The following HAPSTR1 variants were observed in gnomAD, a reference collection of about 807,000 sequenced individuals.
HAPSTR1 encodes HUWE1 associated protein modifying stress responses, also known as HUWE1-associated protein modifying stress responses 1.
chr16:9,098,298 A>C, the HAPSTR1 span, among the ~76,000 whole-genome samples: 1 of 152,260 alleles, frequency 6.6e-6, no homozygotes, highest in South Asian at 2.1e-4. Flanking sequence ...AGGCCATTGC[A>C]CTCCAGCCTG....
chr16:9,115,597 G>A, the HAPSTR1 span, among the ~76,000 whole-genome samples: 1 of 152,142 alleles, frequency 6.6e-6, no homozygotes, highest in Non-Finnish European at 1.5e-5. Context: ...ATCCATGAGT[G>A]CTGGGTATAT....
At chr16:9,092,394 G>C in the HAPSTR1 span, 1 of 882,824 alleles carries the variant, frequency 1.1e-6, no homozygotes, top group African/African-American at 1.8e-5. Flanking sequence ...ATCCCGGCCG[G>C]TGGCTCCGCG....
the HAPSTR1 span, among the ~76,000 whole-genome samples, chr16:9,095,080 C>A: frequency 6.6e-6 from 1 of 152,146 alleles, no homozygotes; most frequent in African/African-American, 2.4e-5. Flanking sequence ...ACATATGATT[C>A]TTGGATTATT....
chr16:9,120,672 T>C, the HAPSTR1 span: 1 of 134,102 alleles, frequency 7.5e-6, no homozygotes, highest in East Asian at 2.1e-4. Context: ...TATGGTGAAA[T>C]CTTTTTTTTT....
chr16:9,096,306 A>T, the HAPSTR1 span, among the ~76,000 whole-genome samples: 1 of 152,258 alleles, frequency 6.6e-6, no homozygotes, highest in Non-Finnish European at 1.5e-5. Flanking sequence ...AGTGCTTAAA[A>T]TGAAGGGAAG....
the HAPSTR1 span, among the ~76,000 whole-genome samples, chr16:9,095,391 C>G: frequency 2.0e-5 from 3 of 151,896 alleles, no homozygotes; most frequent in African/African-American, 7.3e-5. Context: ...GTAAGTAGTA[C>G]TAAATTTAAA....
the HAPSTR1 span, chr16:9,103,400 T>G: frequency 1.1e-6 from 1 of 911,318 alleles, no homozygotes; most frequent in South Asian, 1.9e-5. Flanking sequence ...TTTAATAGAA[T>G]GTAAGCTAAG....
chr16:9,113,050 T>A, the HAPSTR1 span: 1 of 150,816 alleles, frequency 6.6e-6, no homozygotes, highest in African/African-American at 2.4e-5. Context: ...TTTTTTTTAG[T>A]TCTGAAGCAT....
At chr16:9,117,862 A>G in the HAPSTR1 span, 4 of 152,626 alleles carry the variant, frequency 2.6e-5, no homozygotes, top group African/African-American at 7.2e-5. Flanking sequence ...TGCAGTTTCC[A>G]TTGGAATGGG....
At chr16:9,109,869 T>G in the HAPSTR1 span, 2 of 152,230 alleles carry the variant, frequency 1.3e-5, no homozygotes, top group East Asian at 3.9e-4. Flanking sequence ...GCCTTTTTGG[T>G]TTGAAAACTC....
At chr16:9,108,563 A>AG in the HAPSTR1 span, 1 of 152,154 alleles carries the variant, frequency 6.6e-6, no homozygotes, top group Non-Finnish European at 1.5e-5. Flanking sequence ...GCCCCCACTA[A>AG]GACCTAGGGC....
At chr16:9,106,008 T>C in the HAPSTR1 span, 2 of 152,228 alleles carry the variant, frequency 1.3e-5, no homozygotes, top group African/African-American at 4.8e-5. Context: ...CTGCTGAATA[T>C]TTCGTGTAGA....
the HAPSTR1 span, among the ~76,000 whole-genome samples, chr16:9,095,160 C>T: frequency 6.6e-6 from 1 of 152,148 alleles, no homozygotes; most frequent in Non-Finnish European, 1.5e-5. Context: ...AAAACACATC[C>T]CTTGCCTAAT....
the HAPSTR1 span, among the ~76,000 whole-genome samples, chr16:9,102,464 T>G: frequency 4.6e-5 from 7 of 152,202 alleles, no homozygotes; most frequent in Non-Finnish European, 1.0e-4. Flanking sequence ...GGGAAATGAA[T>G]AAAGCTTTTT....
chr16:9,093,640 T>G, the HAPSTR1 span, among the ~76,000 whole-genome samples: 38 of 152,246 alleles, frequency 2.5e-4, 1 homozygote, highest in African/African-American at 4.8e-4. Context: ...TATTTGATTA[T>G]AAGTTGCTGG....
chr16:9,116,108 A>G, the HAPSTR1 span, among the ~76,000 whole-genome samples: 1 of 152,200 alleles, frequency 6.6e-6, no homozygotes, highest in Non-Finnish European at 1.5e-5. Flanking sequence ...CTCATGTCCC[A>G]GTAGAAATTT....
At chr16:9,114,639 C>A in the HAPSTR1 span, among the ~76,000 whole-genome samples, 1 of 152,234 alleles carries the variant, frequency 6.6e-6, no homozygotes, top group Non-Finnish European at 1.5e-5. Flanking sequence ...AGAAACTGTT[C>A]AAAGAGATGA....
At chr16:9,104,629 A>G in the HAPSTR1 span, 1 of 152,216 alleles carries the variant, frequency 6.6e-6, no homozygotes, top group African/African-American at 2.4e-5. Flanking sequence ...GACAATTAAA[A>G]ACAAAAACAT....
chr16:9,115,676 G>A, the HAPSTR1 span, among the ~76,000 whole-genome samples: 1 of 152,326 alleles, frequency 6.6e-6, no homozygotes, highest in Middle Eastern at 3.4e-3. Flanking sequence ...AGGATGGAGT[G>A]CAGTCTCGGT....
Sources: gnomAD v4.1 joint callset for allele counts (sites outside exome capture counted in the v4.1 genomes callset) on GRCh38, gnomAD v4.1.1 for gene constraint, MANE v1.5 for transcripts, NCBI Gene and HGNC (gene_info 2026-07-23, HGNC 2026-07-21) for gene names.